The following RMDN1 variants were observed in gnomAD, a reference collection of about 807,000 sequenced individuals.
RMDN1 encodes regulator of microtubule dynamics protein 1.
In RMDN1, 48 loss-of-function variants were observed where a neutral mutation model predicts 48.9. That is an observed-to-expected ratio of 0.98 (90% CI 0.78 to 1.25). The LOEUF is 1.25. Among genes scored for constraint, RMDN1 ranks in the 50% most tolerant of loss-of-function variants. The pLI is 0.00. For synonymous variants in RMDN1, 148 were observed against 132.6 expected (o/e 1.12, Z -0.80); for missense variants, 418 against 373.4 (o/e 1.12, Z -0.98).
intron 2 of RMDN1, among the ~76,000 whole-genome samples, chr8:86,497,966 C>T (rs1212462822): frequency 6.6e-6 from 1 of 151,846 alleles, no homozygotes; most frequent in Non-Finnish European, 1.5e-5. Context: ...TGTGGTGGCG[C>T]ATGCCTGTGA....
At chr8:86,505,331 T>C (rs1819135418) in intron 2 of RMDN1, 2 of 461,548 alleles carry the variant, frequency 4.3e-6, no homozygotes, top group Admixed American at 4.7e-5. Flanking sequence ...CCACTTGGCA[T>C]ATGACAACTT....
rs1373167445 is a variant in RMDN1 at position 86,507,176 on chromosome 8, C to G, written c.130-64G>C. 5.5e-6 allele frequency: 5 copies of G among 907,256 alleles called. No individual in the cohort carries two copies. The East Asian group carries it at 9.7e-5, about 18-fold the overall frequency. The allele number at this position is 907,256 out of a possible 1,614,324, so 56.2% of individuals were successfully genotyped here. ...AATTTGAAGGTACTGCTACCCCAAG[C>G]AAAAATTACATGAATTTTCTCCCAC... On this transcript the variant is annotated intron_variant, in intron 1 of 9. Coordinates refer to ENST00000406452, the MANE Select transcript of RMDN1 (RefSeq NM_016033.3).
At chr8:86,504,473 A>G in intron 2 of RMDN1, 1 of 1,553,946 alleles carries the variant, frequency 6.4e-7, no homozygotes, top group Non-Finnish European at 8.9e-7. Context: ...GGAATCTTCA[A>G]GGATGCAGGT....
chr8:86,508,421 A>G, intron 1 of RMDN1, 71 bp downstream of exon 1: 2 of 1,459,088 alleles, frequency 1.4e-6, no homozygotes, highest in Non-Finnish European at 1.8e-6. Context: ...GGCCGCCACC[A>G]CTTAAGTTAA....
rs4961193 is a variant in RMDN1, at chr8:86,473,939, T to C, written c.*369A>G. On this transcript the variant is annotated 3_prime_UTR_variant, in exon 10 of 10. Coordinates refer to ENST00000406452, the MANE Select transcript of RMDN1 (RefSeq NM_016033.3). ...AGATTTCAACTTAGAATCAATCCAATTTGAAAATCCATCCCCCTGTATATC... is the reference window on the plus strand; with the variant it reads ...AGATTTCAACTTAGAATCAATCCAACTTGAAAATCCATCCCCCTGTATATC... 0.26 allele frequency: 261,087 copies of C among 1,007,086 alleles called. 35,565 individuals are homozygous for C. Among genetic ancestry groups the C allele is most frequent in the East Asian group, 0.54 (5,365 of 10,020 alleles). The allele number at this position is 1,007,086 out of a possible 1,614,324, so 62.4% of individuals were successfully genotyped here.
At chr8:86,482,428 A>G (rs1814660909) in intron 5 of RMDN1, 8 of 452,860 alleles carry the variant, frequency 1.8e-5, no homozygotes, top group South Asian at 1.6e-4. Flanking sequence ...GAGGCTCTGT[A>G]AATCTTTGCA....
intron 2 of RMDN1, among the ~76,000 whole-genome samples, chr8:86,499,166 T>A (rs1171573688): frequency 6.6e-6 from 1 of 152,134 alleles, no homozygotes; most frequent in African/African-American, 2.4e-5. Flanking sequence ...AAGACAAGGA[T>A]GCCCACTCTT....
At chr8:86,509,507 C>T (rs1474910990), upstream of RMDN1, among the ~76,000 whole-genome samples, 1 of 151,898 alleles carries the variant, frequency 6.6e-6, no homozygotes, top group Admixed American at 6.6e-5. Context: ...ATGGGTTTAA[C>T]GAAAAATCTT....
chr8:86,503,053 T>C (rs1217547196), intron 2 of RMDN1, among the ~76,000 whole-genome samples: 2 of 152,072 alleles, frequency 1.3e-5, no homozygotes, highest in Admixed American at 1.3e-4. Context: ...CCATTACCTA[T>C]ATAAAAATAA....
At chr8:86,506,960 AC>A (rs768046427) in intron 2 of RMDN1, 34 bp downstream of exon 2, 25 of 1,135,686 alleles carry the variant, frequency 2.2e-5, no homozygotes, top group Non-Finnish European at 3.0e-5. Context: ...ACACAAAAAA[AC>A]TCTAAATGTT....
At chr8:86,477,033 T>C (rs1168184861) in intron 8 of RMDN1, among the ~76,000 whole-genome samples, 1 of 152,172 alleles carries the variant, frequency 6.6e-6, no homozygotes, top group Non-Finnish European at 1.5e-5. Context: ...ACAATTACCA[T>C]GTCAGAGACT....
Position 86,508,655 on chromosome 8 carries a change from C to T in RMDN1, c.-35G>A, listed in dbSNP as rs774880685. On this transcript the variant is annotated 5_prime_UTR_variant, in exon 1 of 10. Transcript: ENST00000406452. The stretch of plus-strand genomic sequence containing the variant: ...CTTGCGGGCTGACCCTGCACTACTT[C>T]AGGCAGCTACGGAGGCGGGCGGGGC... 12 of 1,566,642 alleles carry T rather than the reference C, an allele frequency of 7.7e-6. No homozygotes were observed. The Admixed American group carries it at 1.4e-4, about 19-fold the overall frequency.
intron 2 of RMDN1, among the ~76,000 whole-genome samples, chr8:86,495,302 C>A (rs1370985359): frequency 6.6e-6 from 1 of 152,148 alleles, no homozygotes; most frequent in Non-Finnish European, 1.5e-5. Context: ...GAGTGGCCCA[C>A]TCTCATCACA....
At chr8:86,510,842 G>A (rs1586814838), upstream of RMDN1, among the ~76,000 whole-genome samples, 1 of 152,156 alleles carries the variant, frequency 6.6e-6, no homozygotes, top group African/African-American at 2.4e-5. Context: ...AAGAATATAG[G>A]CTGGGCGTAG....
At position 86,473,652 on chromosome 8, in the gene RMDN1, G is replaced by A; in HGVS notation, c.*656C>T. 2.8e-6 allele frequency: 1 copy of A among 357,540 alleles called. No individual in the cohort carries two copies. Among genetic ancestry groups the A allele is most frequent in the Non-Finnish European group, 3.9e-6 (1 of 256,136 alleles). The allele number at this position is 357,540 out of a possible 1,614,324, so 22.1% of individuals were successfully genotyped here. ...GTGGTGGTACAACCCTGTAATCCCA[G>A]CCACTCAGGAGGCTAAGGCAGGAGA... is the stretch of plus-strand genomic sequence containing the variant. On this transcript the variant is annotated 3_prime_UTR_variant, in exon 10 of 10. Transcript: ENST00000406452.
downstream of RMDN1, among the ~76,000 whole-genome samples, chr8:86,469,021 C>T (rs562368298): frequency 6.6e-6 from 1 of 151,630 alleles, no homozygotes; most frequent in African/African-American, 2.4e-5. Context: ...TTGGTGACTC[C>T]CCCACCCCCA....
At chr8:86,489,339 T>C (rs1816049653) in intron 2 of RMDN1, among the ~76,000 whole-genome samples, 2 of 152,212 alleles carry the variant, frequency 1.3e-5, no homozygotes, top group Admixed American at 1.3e-4. Flanking sequence ...ATAAACATTA[T>C]TGACAGTGTA....
chr8:86,514,171 G>T, intron 1 of RMDN1: 1 of 745,288 alleles, frequency 1.3e-6, no homozygotes, highest in Non-Finnish European at 1.6e-6. Context: ...TTCAGATATG[G>T]CATAAATTTT....
In RMDN1 at chr8:86,504,528, T is replaced by C. The variant is rs555308342; in HGVS notation, c.247+2467A>G. 3.5e-6 allele frequency: 5 copies of C among 1,417,048 alleles called. No homozygotes were observed. In the East Asian group the frequency reaches 1.1e-4, roughly 32 times the overall value. 87.8% of individuals were successfully genotyped at this position (1,417,048 alleles called of 1,614,324 possible). On this transcript the variant is annotated intron_variant, in intron 2 of 9. Coordinates refer to ENST00000406452, the MANE Select transcript of RMDN1 (RefSeq NM_016033.3). ...CCACCATTGGTGCACGTGTGTTTAATACTATCTTCACTGTAGTTTCCCTAT... is the reference window on the plus strand; with the variant it reads ...CCACCATTGGTGCACGTGTGTTTAACACTATCTTCACTGTAGTTTCCCTAT...
Sources: gnomAD v4.1 joint callset for allele counts (sites outside exome capture counted in the v4.1 genomes callset) on GRCh38, gnomAD v4.1.1 for gene constraint, MANE v1.5 for transcripts, NCBI Gene and HGNC (gene_info 2026-07-23, HGNC 2026-07-21) for gene names.